The following PALS1 variants were observed in gnomAD, a reference collection of about 807,000 sequenced individuals.
The protein encoded by PALS1 is protein PALS1.
Under a neutral mutation model 78.9 loss-of-function variants are expected in PALS1, and 31 were observed. That is an observed-to-expected ratio of 0.39 (90% CI 0.30 to 0.53). PALS1 has a LOEUF of 0.53. Ranked by LOEUF, PALS1 falls within the 20% of genes least tolerant of loss-of-function variation. The pLI is 0.67. For synonymous variants in PALS1, 276 were observed against 270.9 expected, an observed-to-expected ratio of 1.02 and a Z score of -0.18; for missense variants, 704 against 826.5, an observed-to-expected ratio of 0.85 and a Z score of 1.82.
Position 67,303,530 on chromosome 14 carries a change from G to T in PALS1, c.972G>T (p.Met324Ile). Residue 324 changes from methionine (M) to isoleucine (I), a missense_variant, in exon 8 of 15, where the codon ATG becomes ATT. Physicochemically the swap from Met to Ile is conservative, Grantham distance 10. Transcript: ENST00000261681. ...TGATCTTTCTATTACAGTCTGATAT[G>T]CATGGTACTTTGACTTTTGTCCTGA... ...VNEVFDLLSD[M>I]HGTLTFVLIP... 1 of 1,612,584 alleles carries T rather than the reference G, an allele frequency of 6.2e-7. No homozygotes were observed. The highest frequency in any genetic ancestry group is 8.5e-7 in the Non-Finnish European group (1 of 1,178,650).
At chr14:67,248,511 A>G (rs2084019047) in intron 1 of PALS1, among the ~76,000 whole-genome samples, 1 of 152,200 alleles carries the variant, frequency 6.6e-6, no homozygotes, top group African/African-American at 2.4e-5. Flanking sequence ...AAAAATTAAA[A>G]CATTTGGCTT....
intron 3 of PALS1, among the ~76,000 whole-genome samples, chr14:67,285,203 A>G (rs1049283819): frequency 1.3e-5 from 2 of 152,202 alleles, no homozygotes; most frequent in African/African-American, 4.8e-5. Flanking sequence ...TGGACTTGAA[A>G]TTTCTGAGGA....
intron 8 of PALS1, among the ~76,000 whole-genome samples, chr14:67,307,093 T>C (rs1350477957): frequency 6.6e-6 from 1 of 152,224 alleles, no homozygotes; most frequent in African/African-American, 2.4e-5. Context: ...CTTAAATTTC[T>C]TTTGTATCAC....
chr14:67,278,439 T>G (rs1176726017), intron 2 of PALS1, among the ~76,000 whole-genome samples: 1 of 152,142 alleles, frequency 6.6e-6, no homozygotes, highest in East Asian at 1.9e-4. Context: ...CAGCTGCTAA[T>G]TGAAGTTTCT....
chr14:67,243,568 C>G (rs1257639271), intron 1 of PALS1, among the ~76,000 whole-genome samples: 1 of 147,402 alleles, frequency 6.8e-6, no homozygotes, highest in Non-Finnish European at 1.5e-5. Context: ...TCTCGGCTCA[C>G]TGCAAGCTCT....
At position 67,333,552 on chromosome 14, in the gene PALS1, TA is replaced by T. The variant is rs1220728119; in HGVS notation, c.*603del. The T allele has an allele frequency of 1.3e-5, 2 of 152,554 alleles. No homozygotes were observed. Among genetic ancestry groups the T allele is most frequent in the Non-Finnish European group, 1.5e-5 (1 of 68,008 alleles). The allele number at this position is 152,554 out of a possible 1,614,324, so 9.5% of individuals were successfully genotyped here. On this transcript the variant is annotated 3_prime_UTR_variant, in exon 15 of 15. Transcript: ENST00000261681. ...ATTCATTTATATGTCTTTTGATTCT[TA>T]AAAAAACAAAAAACATTCCATTAGA...
Position 67,324,425 on chromosome 14 carries a change from G to GT in PALS1, c.1851+621dup, listed in dbSNP as rs201829084. ...GTATCAGAGTAACATGTTCTTCCTT[G>GT]TTTTTTTTGCTCCATATTTATTAAA... is the stretch of plus-strand genomic sequence containing the variant. On this transcript the variant is annotated intron_variant, in intron 14 of 14. Transcript: ENST00000261681. 5.3e-5 allele frequency among the ~76,000 whole-genome samples: 8 copies of GT among 151,622 alleles called. No homozygotes were observed. In the East Asian group the frequency reaches 7.7e-4, roughly 15 times the overall value.
chr14:67,268,822 C>T (rs886678636), intron 1 of PALS1, among the ~76,000 whole-genome samples: 1 of 152,194 alleles, frequency 6.6e-6, no homozygotes, highest in Admixed American at 6.5e-5. Flanking sequence ...GCCTAACCTC[C>T]TGGGAATGCA....
chr14:67,242,409 TTGAC>T (rs1164422241), intron 1 of PALS1, among the ~76,000 whole-genome samples: 5 of 152,204 alleles, frequency 3.3e-5, no homozygotes, highest in African/African-American at 4.8e-5. Context: ...AAATTTTGAT[TTGAC>T]TGACGCAGTG....
chr14:67,313,819 A>T (rs774236969), intron 9 of PALS1, among the ~76,000 whole-genome samples: 17 of 151,894 alleles, frequency 1.1e-4, no homozygotes, highest in Non-Finnish European at 2.2e-4. Context: ...TATTTTCATG[A>T]TATTGTCTCT....
At chr14:67,292,179 G>A (rs1566554690) in intron 3 of PALS1, among the ~76,000 whole-genome samples, 3 of 152,146 alleles carry the variant, frequency 2.0e-5, no homozygotes, top group African/African-American at 7.2e-5. Flanking sequence ...GAAATAGGAT[G>A]TTAAGAAAAA....
intron 2 of PALS1, among the ~76,000 whole-genome samples, chr14:67,278,541 G>C (rs2084546764): frequency 6.6e-6 from 1 of 152,138 alleles, no homozygotes; most frequent in South Asian, 2.1e-4. Context: ...TACAAACAAG[G>C]CTGCTATATG....
At chr14:67,329,833 CAAAAATAAATAA>C (rs2085417799) in intron 14 of PALS1, among the ~76,000 whole-genome samples, 1 of 140,178 alleles carries the variant, frequency 7.1e-6, no homozygotes. Context: ...GACTTGGTCT[CAAAAATAAATAA>C]ATAAATAAAT....
chr14:67,245,606 C>G (rs1478899143), intron 1 of PALS1, among the ~76,000 whole-genome samples: 3 of 152,088 alleles, frequency 2.0e-5, no homozygotes, highest in Non-Finnish European at 4.4e-5. Flanking sequence ...CCTGCCTCAG[C>G]CTCCCAAAGT....
intron 3 of PALS1, among the ~76,000 whole-genome samples, chr14:67,280,850 T>TCCTC (rs1555520235): frequency 8.3e-6 from 1 of 120,118 alleles, no homozygotes; most frequent in Admixed American, 9.8e-5. Context: ...CTTCCTTCCT[T>TCCTC]CCTTCCCTCC....
In PALS1 at chr14:67,316,888, G is replaced by A; in HGVS notation, c.1282G>A (p.Glu428Lys). ...AMKQTIEEDKEPEKSGKLWCA... is the reference protein window; with the variant it reads ...AMKQTIEEDKKPEKSGKLWCA... Reference sequence around the variant, plus strand: ...GAAACAAACCATAGAAGAAGATAAGGAGCCAGAAAAATCAGGTTAGACACT... The same window carrying A: ...GAAACAAACCATAGAAGAAGATAAGAAGCCAGAAAAATCAGGTTAGACACT... The change falls in exon 10 of 15, where the codon GAG becomes AAG. Residue 428 changes from glutamate (E) to lysine (K), a missense_variant. Glu to Lys is a moderately conservative substitution (Grantham distance 56). Transcript: ENST00000261681. 1 of 1,611,238 alleles carries A rather than the reference G, an allele frequency of 6.2e-7. No homozygotes were observed. The highest frequency in any genetic ancestry group is 8.5e-7 in the Non-Finnish European group (1 of 1,178,478).
At chr14:67,311,200 A>C (rs2085082971) in intron 8 of PALS1, among the ~76,000 whole-genome samples, 1 of 151,348 alleles carries the variant, frequency 6.6e-6, no homozygotes, top group Non-Finnish European at 1.5e-5. Flanking sequence ...AATCCCAGCT[A>C]CTCGGGAGGC....
chr14:67,249,203 T>A (rs528735820), intron 1 of PALS1, among the ~76,000 whole-genome samples: 1 of 150,032 alleles, frequency 6.7e-6, no homozygotes, highest in Admixed American at 6.6e-5. Flanking sequence ...CTCAGGTGAT[T>A]TGCACGTCTC....
At chr14:67,306,531 G>GTGTGTA (rs201164692) in intron 8 of PALS1, among the ~76,000 whole-genome samples, 1,785 of 151,228 alleles carry the variant, frequency 0.012, 17 homozygotes, top group Non-Finnish European at 0.017. Context: ...GTGTGTGTGT[G>GTGTGTA]TGTGTTTGTG....
Sources: gnomAD v4.1 joint callset for allele counts (sites outside exome capture counted in the v4.1 genomes callset) on GRCh38, gnomAD v4.1.1 for gene constraint, MANE v1.5 for transcripts, NCBI Gene and HGNC (gene_info 2026-07-23, HGNC 2026-07-21) for gene names.